The following INPP4B variants were observed in gnomAD, a reference collection of about 807,000 sequenced individuals.
INPP4B encodes the protein inositol polyphosphate-4-phosphatase type II B.
A neutral mutation model predicts 122.5 loss-of-function variants in INPP4B; 55 were observed. The observed-to-expected ratio is 0.45, with a 90% CI of 0.36 to 0.56. The LOEUF (loss-of-function observed/expected upper bound fraction) is 0.56, where lower values mean the gene tolerates loss of function less well. Among genes scored for constraint, INPP4B ranks in the 20% least tolerant of loss-of-function variants. The pLI, the probability that INPP4B is intolerant of heterozygous loss-of-function variation, is 0.00. For missense variants in INPP4B, 1,000 were observed against 1,097.7 expected, an observed-to-expected ratio of 0.91 and a Z score of 1.26; for synonymous variants, 403 against 388.7, an observed-to-expected ratio of 1.04 and a Z score of -0.43.
chr4:142,369,794 G>A (rs1647194508), intron 7 of INPP4B, among the ~76,000 whole-genome samples: 1 of 151,342 alleles, frequency 6.6e-6, no homozygotes, highest in South Asian at 2.1e-4. Context: ...TAACAGGTGT[G>A]GTGGTGGGTA....
chr4:142,384,038 T>C, intron 7 of INPP4B: 1 of 701,090 alleles, frequency 1.4e-6, no homozygotes, highest in Admixed American at 2.0e-5. Context: ...AACAGGTGAC[T>C]GAGCAAGTTG....
rs528650021 is a variant in INPP4B, at chr4:142,344,848, T to A, written c.373-30086A>T. On this transcript the variant is annotated intron_variant, in intron 7 of 25. Coordinates refer to ENST00000262992, the MANE Select transcript of INPP4B (RefSeq NM_001101669.3). The stretch of plus-strand genomic sequence containing the variant: ...TACCTATGTAACAAGCCTGCACTTG[T>A]ACCTCTGAACTTAAAATAAGAATTA... Among the ~76,000 whole-genome samples the A allele has an allele frequency of 2.0e-5, 3 of 152,136 alleles. No homozygotes were observed. The East Asian group carries it at 5.8e-4, about 29-fold the overall frequency.
At chr4:142,217,803 G>T (rs1579323440) in intron 12 of INPP4B, among the ~76,000 whole-genome samples, 1 of 152,052 alleles carries the variant, frequency 6.6e-6, no homozygotes, top group Non-Finnish European at 1.5e-5. Flanking sequence ...ATTCAATCAG[G>T]TGGAGGCCTG....
At chr4:142,279,233 A>G (rs1315140737) in intron 9 of INPP4B, among the ~76,000 whole-genome samples, 4 of 151,980 alleles carry the variant, frequency 2.6e-5, no homozygotes, top group Non-Finnish European at 4.4e-5. Flanking sequence ...TTCTCCTCAA[A>G]GTCATCTACA....
At chr4:142,672,369 C>T (rs1757126766) in intron 2 of INPP4B, among the ~76,000 whole-genome samples, 1 of 152,238 alleles carries the variant, frequency 6.6e-6, no homozygotes, top group South Asian at 2.1e-4. Context: ...ATGTTTGAGA[C>T]TTCCAGCTAT....
At chr4:142,774,960 A>G (rs1302009493) in intron 1 of INPP4B, among the ~76,000 whole-genome samples, 1 of 151,992 alleles carries the variant, frequency 6.6e-6, no homozygotes, top group Admixed American at 6.6e-5. Flanking sequence ...GCTCCTCTTT[A>G]CTGTGACAGT....
intron 2 of INPP4B, among the ~76,000 whole-genome samples, chr4:142,679,991 C>A (rs750594837): frequency 6.6e-6 from 1 of 151,718 alleles, no homozygotes; most frequent in Non-Finnish European, 1.5e-5. Flanking sequence ...TAGTGAAGAC[C>A]TGGCTTCTCT....
chr4:142,226,243 TAC>T (rs147387378), intron 12 of INPP4B, among the ~76,000 whole-genome samples: 9 of 151,096 alleles, frequency 6.0e-5, no homozygotes, highest in South Asian at 2.1e-4. Context: ...CACATATAAG[TAC>T]ACACACACAC....
chr4:142,179,208 C>T (rs941380648), intron 15 of INPP4B, among the ~76,000 whole-genome samples: 1 of 152,098 alleles, frequency 6.6e-6, no homozygotes, highest in African/African-American at 2.4e-5. Flanking sequence ...CGCAGTGGCT[C>T]ACACCTGTAG....
In INPP4B at chr4:142,108,224, A is replaced by T. The variant is rs759177555; in HGVS notation, c.2277-34T>A. 30 of 1,123,192 alleles carry T rather than the reference A, an allele frequency of 2.7e-5. No individual in the cohort carries two copies. In the Middle Eastern group the frequency reaches 9.9e-4, roughly 37 times the overall value. 69.6% of individuals were successfully genotyped at this position (1,123,192 alleles called of 1,614,324 possible). A position where few individuals can be genotyped will look rare whatever the true frequency, so the allele number is the denominator to read the frequency against. ...AGAAAAAAGAAAACAGCTGTGGGTT[A>T]TAAAACGGTACCAAAAAGTAACACA... On this transcript the variant is annotated intron_variant, in intron 22 of 25. Transcript: ENST00000262992.
At chr4:142,701,953 A>T (rs1227138529) in intron 2 of INPP4B, among the ~76,000 whole-genome samples, 1 of 152,208 alleles carries the variant, frequency 6.6e-6, no homozygotes, top group African/African-American at 2.4e-5. Flanking sequence ...ACTCACATTT[A>T]TTACATATTA....
At chr4:142,531,614 T>A (rs1416654243) in intron 2 of INPP4B, among the ~76,000 whole-genome samples, 2 of 152,190 alleles carry the variant, frequency 1.3e-5, no homozygotes, top group Non-Finnish European at 2.9e-5. Context: ...ATTTATTATA[T>A]AATCCACACT....
chr4:142,594,967 A>G (rs920698789), intron 2 of INPP4B, among the ~76,000 whole-genome samples: 1 of 151,296 alleles, frequency 6.6e-6, no homozygotes, highest in Non-Finnish European at 1.5e-5. Flanking sequence ...AAAAAAAAAA[A>G]AAAAAAAAAA....
At chr4:142,437,576 C>A (rs1220768822) in intron 3 of INPP4B, among the ~76,000 whole-genome samples, 5 of 152,100 alleles carry the variant, frequency 3.3e-5, no homozygotes, top group African/African-American at 7.2e-5. Flanking sequence ...AGAAACCCTA[C>A]AAGCCAGAAG....
chr4:142,802,499 G>C (rs1778130097), intron 1 of INPP4B, among the ~76,000 whole-genome samples: 1 of 152,110 alleles, frequency 6.6e-6, no homozygotes, highest in Admixed American at 6.5e-5. Flanking sequence ...TGTGAACCTG[G>C]AATCCTGGAA....
At chr4:142,779,123 T>C (rs1223930482) in intron 1 of INPP4B, among the ~76,000 whole-genome samples, 1 of 151,980 alleles carries the variant, frequency 6.6e-6, no homozygotes, top group Non-Finnish European at 1.5e-5. Flanking sequence ...TACAACCCCG[T>C]CCAACTCAGT....
At chr4:142,550,621 T>TATATATATATATA (rs371250535) in intron 2 of INPP4B, among the ~76,000 whole-genome samples, 129 of 126,870 alleles carry the variant, frequency 1.0e-3, no homozygotes, top group Non-Finnish European at 1.6e-3. Flanking sequence ...TATATATATA[T>TATATATATATATA]TTTTTTTTTT....
chr4:142,228,042 C>T (rs1852385197), intron 12 of INPP4B, among the ~76,000 whole-genome samples: 1 of 151,704 alleles, frequency 6.6e-6, no homozygotes, highest in Non-Finnish European at 1.5e-5. Context: ...AAATTAAAGA[C>T]TTTCAAAAAT....
At chr4:142,471,889 G>A (rs1477111652) in intron 2 of INPP4B, among the ~76,000 whole-genome samples, 1 of 149,510 alleles carries the variant, frequency 6.7e-6, no homozygotes, top group Non-Finnish European at 1.5e-5. Context: ...ACACACACAC[G>A]TATATGTTAT....
Sources: allele counts gnomAD v4.1 joint callset (sites outside exome capture counted in the v4.1 genomes callset), GRCh38; gene constraint gnomAD v4.1.1; transcripts MANE v1.5; gene names NCBI Gene and HGNC (gene_info 2026-07-23, HGNC 2026-07-21).